The following MAGED1 variants were observed in gnomAD, a reference collection of about 807,000 sequenced individuals.
The protein encoded by MAGED1 is melanoma-associated antigen D1.
A neutral mutation model predicts 54.1 loss-of-function variants in MAGED1; 3 were observed. The ratio of observed to expected loss-of-function variants is 0.06; its 90% confidence interval spans 0.03 to 0.14. The LOEUF is 0.14. Ranked by LOEUF, MAGED1 falls within the 10% of genes least tolerant of loss-of-function variation. The pLI is 1.00. For missense variants in MAGED1, 485 were observed against 623.4 expected (o/e 0.78, Z 2.36); for synonymous variants, 217 against 227.3 (o/e 0.95, Z 0.41).
chrX:51,895,453 A>G lies in MAGED1; in HGVS notation c.446A>G (p.Gln149Arg). Residue 149 changes from glutamine (Q) to arginine (R), a missense_variant, in exon 3 of 13, where the codon CAG (glutamine) becomes CGG (arginine). Gln to Arg is a conservative substitution (Grantham distance 43). Transcript: ENST00000326587. ...ANKSEMAFKA[Q>R]NATTKVGPNA... The stretch of plus-strand genomic sequence containing the variant: ...AAGTCTGAGATGGCCTTCAAGGCCC[A>G]GAATGCCACTACTAAAGTGGGCCCA... 1 of 1,208,442 alleles carries G rather than the reference A, an allele frequency of 8.3e-7. No individual in the cohort carries two copies. Among genetic ancestry groups the G allele is most frequent in the Non-Finnish European group, 1.1e-6 (1 of 893,628 alleles).
intron 1 of MAGED1, among the ~76,000 whole-genome samples, chrX:51,881,000 C>T (rs1928033039): frequency 9.0e-6 from 1 of 110,967 alleles, no homozygotes; most frequent in Admixed American, 9.6e-5. Context: ...CTACCATAGA[C>T]TGGGTGGCTT....
intron 1 of MAGED1, among the ~76,000 whole-genome samples, chrX:51,862,475 G>A (rs1422607610): frequency 9.0e-6 from 1 of 110,777 alleles, no homozygotes; most frequent in African/African-American, 3.3e-5. Context: ...CTTCCTGTCC[G>A]CCTCCACCTA....
At chrX:51,872,120 G>A (rs1356258954) in intron 1 of MAGED1, among the ~76,000 whole-genome samples, 1 of 111,693 alleles carries the variant, frequency 9.0e-6, no homozygotes, top group Non-Finnish European at 1.9e-5. Flanking sequence ...TTTTGATGGG[G>A]TTGTTTGTTT....
intron 1 of MAGED1, among the ~76,000 whole-genome samples, chrX:51,829,710 G>A (rs1018636492): frequency 7.2e-5 from 8 of 111,358 alleles, no homozygotes; most frequent in Non-Finnish European, 1.3e-4. Context: ...ACATTGAAAT[G>A]TGGTCAATTG....
At chrX:51,898,392 A>G in intron 9 of MAGED1, 65 bp downstream of exon 9, 1 of 1,157,180 alleles carries the variant, frequency 8.6e-7, no homozygotes, top group Non-Finnish European at 1.2e-6. Context: ...GGATGGTCCC[A>G]GGATTGCATT....
chrX:51,872,839 G>A (rs1397437461), intron 1 of MAGED1, among the ~76,000 whole-genome samples: 8 of 111,337 alleles, frequency 7.2e-5, no homozygotes, highest in Non-Finnish European at 1.1e-4. Flanking sequence ...ATATAATTCT[G>A]GGAACTCTCT....
At chrX:51,815,310 T>C (rs782173476) in intron 1 of MAGED1, among the ~76,000 whole-genome samples, 26 of 111,021 alleles carry the variant, frequency 2.3e-4, no homozygotes, top group Non-Finnish European at 4.7e-4. Context: ...TTATAGGAGA[T>C]GACAGCTCCA....
intron 1 of MAGED1, among the ~76,000 whole-genome samples, chrX:51,812,841 C>A (rs782715226): frequency 2.7e-5 from 3 of 110,181 alleles, no homozygotes; most frequent in African/African-American, 9.9e-5. Flanking sequence ...AAACTCTTTT[C>A]CAAAATGGCT....
chrX:51,809,201 G>T (rs907008461), intron 1 of MAGED1, among the ~76,000 whole-genome samples: 1 of 110,960 alleles, frequency 9.0e-6, no homozygotes, highest in East Asian at 2.8e-4. Flanking sequence ...TGCAATCTCC[G>T]CCTGCCGGGT....
intron 1 of MAGED1, among the ~76,000 whole-genome samples, chrX:51,827,246 C>T (rs1398737877): frequency 4.7e-5 from 5 of 105,476 alleles, no homozygotes; most frequent in African/African-American, 1.4e-4. Flanking sequence ...GACAACAGAG[C>T]GAGTCCCTGT....
intron 1 of MAGED1, among the ~76,000 whole-genome samples, chrX:51,840,339 TG>T (rs1346832162): frequency 9.0e-6 from 1 of 110,531 alleles, no homozygotes; most frequent in Non-Finnish European, 1.9e-5. Flanking sequence ...CAAGGCCTTT[TG>T]GGGTCCTCAA....
chrX:51,847,517 C>T (rs1017977518), intron 1 of MAGED1, among the ~76,000 whole-genome samples: 2 of 108,651 alleles, frequency 1.8e-5, no homozygotes, highest in Non-Finnish European at 3.8e-5. Context: ...AACATGGATA[C>T]ATTGAAGGGT....
chrX:51,875,024 T>C (rs1927818443), intron 1 of MAGED1, among the ~76,000 whole-genome samples: 1 of 111,075 alleles, frequency 9.0e-6, no homozygotes, highest in African/African-American at 3.3e-5. Context: ...CCACAGCAGT[T>C]TTTTGCATAA....
In MAGED1 at chrX:51,819,354, G is replaced by A. The variant is rs964024595; in HGVS notation, c.-37+16237G>A. 2.7e-5 allele frequency among the ~76,000 whole-genome samples: 3 copies of A among 109,308 alleles called. No individual in the cohort carries two copies. The Admixed American group carries it at 3.0e-4, about 11-fold the overall frequency. The allele number at this position is 109,308 out of a possible 115,157, so 94.9% of individuals were successfully genotyped here. A position where few individuals can be genotyped will look rare whatever the true frequency, so the allele number is the denominator to read the frequency against. ...TCTCCTTTCCTTGTTCTGTCAAGCC[G>A]TTTCTTACCTGCTTGGGAAGCCTGA... On this transcript the variant is annotated intron_variant, in intron 1 of 12. Coordinates refer to the MAGED1 transcript ENST00000375772.
At chrX:51,848,513 G>T (rs1400211920) in intron 1 of MAGED1, among the ~76,000 whole-genome samples, 1 of 111,530 alleles carries the variant, frequency 9.0e-6, no homozygotes, top group Non-Finnish European at 1.9e-5. Context: ...TTAAAATTGG[G>T]AATCAGTCAC....
intron 1 of MAGED1, among the ~76,000 whole-genome samples, chrX:51,842,244 AC>A (rs1557358705): frequency 5.3e-5 from 6 of 112,163 alleles, no homozygotes; most frequent in African/African-American, 1.6e-4. Context: ...TTAACACTGT[AC>A]TATGTGACAC....
intron 1 of MAGED1, among the ~76,000 whole-genome samples, chrX:51,803,368 A>G (rs1924918323): frequency 9.1e-6 from 1 of 109,537 alleles, no homozygotes; most frequent in Non-Finnish European, 1.9e-5. Context: ...ACTCCTGGTC[A>G]TGCTTCACCT....
intron 1 of MAGED1, among the ~76,000 whole-genome samples, chrX:51,832,864 G>T (rs781831269): frequency 1.8e-5 from 2 of 111,493 alleles, no homozygotes; most frequent in Non-Finnish European, 3.8e-5. Context: ...AGCACTGGAA[G>T]ATAGGTTCTT....
Position 51,826,520 on chromosome X carries a change from TA to T in MAGED1, c.-37+23412del, listed in dbSNP as rs1235307284. On this transcript the variant is annotated intron_variant, in intron 1 of 12. Transcript: ENST00000375772. ...CCATTGAATTACCTTTATGCTTATG[TA>T]AAAAAAAATCAGTTGACTAAATGAA... 2.7e-5 allele frequency among the ~76,000 whole-genome samples: 3 copies of T among 109,938 alleles called. No individual in the cohort carries two copies. In the Admixed American group the frequency reaches 2.9e-4, roughly 11 times the overall value.
Sources: allele counts gnomAD v4.1 joint callset (sites outside exome capture counted in the v4.1 genomes callset), GRCh38; gene constraint gnomAD v4.1.1; transcripts MANE v1.5; gene names NCBI Gene and HGNC (gene_info 2026-07-23, HGNC 2026-07-21).